ANKIB1: variants seen among roughly 807,000 people sequenced by gnomAD.
ANKIB1 encodes the protein ankyrin repeat and IBR domain containing 1.
ANKIB1 carries 43 observed loss-of-function variants against 122.1 expected under a neutral mutation model. The observed-to-expected ratio is 0.35, with a 90% CI of 0.28 to 0.45. ANKIB1 has a LOEUF of 0.45. ANKIB1 is among the 20% of genes least tolerant of loss of function. The probability of loss-of-function intolerance (pLI) is 1.00; values close to 1 mark genes in which losing one functional copy is unlikely to be tolerated. For synonymous variants in ANKIB1, 390 were observed against 442.0 expected (o/e 0.88, Z 1.48); for missense variants, 992 against 1,329.5 (o/e 0.75, Z 3.95).
At chr7:92,347,452 G>A (rs891889527) in intron 7 of ANKIB1, among the ~76,000 whole-genome samples, 3 of 152,058 alleles carry the variant, frequency 2.0e-5, no homozygotes, top group Admixed American at 6.5e-5. Flanking sequence ...TGAAATAAAA[G>A]GGAATAGCCA....
chr7:92,369,698 G>T (rs2115632300), intron 10 of ANKIB1, among the ~76,000 whole-genome samples: 1 of 152,240 alleles, frequency 6.6e-6, no homozygotes, highest in African/African-American at 2.4e-5. Context: ...TGTAAACAAA[G>T]CTTTGATTAG....
intron 5 of ANKIB1, among the ~76,000 whole-genome samples, chr7:92,331,293 G>T: frequency 6.9e-6 from 1 of 144,912 alleles, no homozygotes. Context: ...TTTTGAGGCA[G>T]TCTAACTCTG....
At chr7:92,276,685 T>G (rs1801912438) in intron 1 of ANKIB1, among the ~76,000 whole-genome samples, 2 of 152,248 alleles carry the variant, frequency 1.3e-5, no homozygotes, top group South Asian at 4.1e-4. Flanking sequence ...CGCCTTCAGT[T>G]TCTGCATTTT....
rs907517480 is a variant in ANKIB1, at chr7:92,374,943, A to G, written c.1617+3336A>G. On this transcript the variant is annotated intron_variant, in intron 11 of 19. Transcript: ENST00000265742. Reference sequence around the variant, plus strand: ...TGAAGAATAAGGGAGATACAGCCATATCTCAGAGATGCTGTGGTCCAGTTC... The same window carrying G: ...TGAAGAATAAGGGAGATACAGCCATGTCTCAGAGATGCTGTGGTCCAGTTC... 8.5e-5 allele frequency among the ~76,000 whole-genome samples: 13 copies of G among 152,330 alleles called. No individual in the cohort carries two copies. In the South Asian group the frequency reaches 1.0e-3, roughly 12 times the overall value.
intron 6 of ANKIB1, among the ~76,000 whole-genome samples, chr7:92,344,669 G>A (rs2131977560): frequency 6.6e-6 from 1 of 152,236 alleles, no homozygotes; most frequent in South Asian, 2.1e-4. Flanking sequence ...ATTTGATGTT[G>A]GCCCAAATGA....
intron 1 of ANKIB1, among the ~76,000 whole-genome samples, chr7:92,267,145 T>C (rs1248810603): frequency 1.3e-5 from 2 of 152,244 alleles, no homozygotes; most frequent in Non-Finnish European, 2.9e-5. Flanking sequence ...GATTTACTGT[T>C]AGGTAGAACA....
At position 92,250,706 on chromosome 7, in the gene ANKIB1, G is replaced by A. The variant is rs1408447381; in HGVS notation, c.-91+4187G>A. On this transcript the variant is annotated intron_variant, in intron 1 of 19. Coordinates refer to ENST00000265742, the MANE Select transcript of ANKIB1 (RefSeq NM_019004.2). The stretch of plus-strand genomic sequence containing the variant: ...GAGTTTTAGTTTCTGCAATGAAAAT[G>A]TATTCTTTCAGATTTGAAAATTATC... Among the ~76,000 whole-genome samples, 6 of 152,282 alleles carry A rather than the reference G, an allele frequency of 3.9e-5. 1 individual carries two copies. The South Asian group carries it at 1.0e-3, about 26-fold the overall frequency.
chr7:92,270,144 C>T, intron 1 of ANKIB1, among the ~76,000 whole-genome samples: 1 of 152,100 alleles, frequency 6.6e-6, no homozygotes, highest in East Asian at 1.9e-4. Flanking sequence ...CTTACTACAG[C>T]CTCGACTTCC....
At chr7:92,366,121 A>C (rs1804077066) in intron 10 of ANKIB1, among the ~76,000 whole-genome samples, 1 of 152,092 alleles carries the variant, frequency 6.6e-6, no homozygotes, top group Non-Finnish European at 1.5e-5. Flanking sequence ...TGCCTAAAAG[A>C]TTTAATACAC....
At position 92,399,058 on chromosome 7, in the gene ANKIB1, C is replaced by T; in HGVS notation, c.*109C>T. ...TTAATTCCAACTCAGTGATAAACCA[C>T]TGACATTAGGGTTGAATACAGAGAA... is the stretch of plus-strand genomic sequence containing the variant. On this transcript the variant is annotated 3_prime_UTR_variant, in exon 20 of 20. Coordinates refer to ENST00000265742, the MANE Select transcript of ANKIB1 (RefSeq NM_019004.2). 1.6e-6 allele frequency: 2 copies of T among 1,289,596 alleles called. No homozygotes were observed. Among genetic ancestry groups the T allele is most frequent in the Non-Finnish European group, 2.1e-6 (2 of 972,124 alleles). The allele number at this position is 1,289,596 out of a possible 1,614,324, so 79.9% of individuals were successfully genotyped here. A position where few individuals can be genotyped will look rare whatever the true frequency, so the allele number is the denominator to read the frequency against.
At chr7:92,260,252 C>T (rs1194664372) in intron 1 of ANKIB1, among the ~76,000 whole-genome samples, 1 of 152,208 alleles carries the variant, frequency 6.6e-6, no homozygotes, top group Non-Finnish European at 1.5e-5. Context: ...GCTACAGTAA[C>T]ACTGGCCTCC....
intron 10 of ANKIB1, among the ~76,000 whole-genome samples, chr7:92,368,851 T>G (rs1804164617): frequency 1.3e-5 from 2 of 152,352 alleles, no homozygotes; most frequent in East Asian, 1.9e-4. Context: ...TGAACATGAT[T>G]TACTTCATGC....
At chr7:92,247,700 CTT>C (rs1801195313) in intron 1 of ANKIB1, among the ~76,000 whole-genome samples, 1 of 152,096 alleles carries the variant, frequency 6.6e-6, no homozygotes, top group Admixed American at 6.5e-5. Flanking sequence ...TCTTATATGA[CTT>C]TATGCATTTG....
Position 92,363,813 on chromosome 7 carries a change from CAG to C in ANKIB1, c.1486+1541_1486+1542del, listed in dbSNP as rs71670038. 0.027 allele frequency among the ~76,000 whole-genome samples: 4,086 copies of C among 152,298 alleles called. 376 individuals are homozygous for C. In the East Asian group the frequency reaches 0.35, roughly 13 times the overall value. On this transcript the variant is annotated intron_variant, in intron 10 of 19. Transcript: ENST00000265742. ...ACGAGGGTCATTTTGTCCACTGACT[CAG>C]GGTTATTCTGACCCACGGAGAAGAG...
chr7:92,379,028 T>C (rs1200284878), intron 11 of ANKIB1, among the ~76,000 whole-genome samples: 2 of 152,176 alleles, frequency 1.3e-5, no homozygotes, highest in Admixed American at 6.5e-5. Flanking sequence ...GACAAACTAA[T>C]TGAAAGACAA....
intron 5 of ANKIB1, among the ~76,000 whole-genome samples, chr7:92,339,277 G>C (rs942493455): frequency 1.3e-5 from 2 of 151,574 alleles, no homozygotes; most frequent in Admixed American, 6.6e-5. Context: ...CTCCTGACCT[G>C]GTGATCCGCC....
chr7:92,380,234 T>G (rs1039931538), intron 11 of ANKIB1, among the ~76,000 whole-genome samples: 1 of 151,988 alleles, frequency 6.6e-6, no homozygotes, highest in Non-Finnish European at 1.5e-5. Flanking sequence ...GCTGGGAAGC[T>G]CAAACTGGGT....
chr7:92,391,339 G>A lies in ANKIB1; in HGVS notation c.2226G>A (p.Arg742=), dbSNP rs749542626. ...CTGCAGACTCACCAGAAGCTCCAAG[G>A]CGCAGGTAAAAAGGACGTACACTGT... is the stretch of plus-strand genomic sequence containing the variant. The part of the protein sequence containing the change: ...VAPADSPEAP[R]RSFAGGTWDW... The change falls in exon 16 of 20, where the codon AGG becomes AGA. Residue 742 remains arginine, a synonymous_variant. Transcript: ENST00000265742. The A allele has an allele frequency of 1.2e-6, 2 of 1,610,936 alleles. No individual in the cohort carries two copies. Among genetic ancestry groups the A allele is most frequent in the Non-Finnish European group, 8.5e-7 (1 of 1,178,250 alleles).
chr7:92,329,004 G>C (rs1298650146), intron 5 of ANKIB1, among the ~76,000 whole-genome samples: 1 of 143,384 alleles, frequency 7.0e-6, no homozygotes, highest in Admixed American at 7.0e-5. Context: ...GTCTTGCTCT[G>C]TTGCCCAGGC....
Sources: allele counts gnomAD v4.1 joint callset (sites outside exome capture counted in the v4.1 genomes callset), GRCh38; gene constraint gnomAD v4.1.1; transcripts MANE v1.5; gene names NCBI Gene and HGNC (gene_info 2026-07-23, HGNC 2026-07-21).